The following INSM1 variants were observed in gnomAD, a reference collection of about 807,000 sequenced individuals.
The protein encoded by INSM1 is insulinoma-associated protein 1.
INSM1 carries 11 observed loss-of-function variants against 21.1 expected under a neutral mutation model. That is an observed-to-expected ratio of 0.52 (90% confidence interval 0.33 to 0.86). INSM1 has a LOEUF of 0.86. INSM1 is among the 40% of genes least tolerant of loss of function. The pLI is 0.03. For synonymous variants in INSM1, 473 were observed against 386.1 expected (o/e 1.23, Z -2.64); for missense variants, 843 against 760.1 (o/e 1.11, Z -1.28).
Position 20,368,279 on chromosome 20 carries a change from C to T in INSM1, c.12C>T (p.Gly4=). 1 of 1,287,516 alleles carries T rather than the reference C, an allele frequency of 7.8e-7. No individual in the cohort carries two copies. Among genetic ancestry groups the T allele is most frequent in the Non-Finnish European group, 1.0e-6 (1 of 1,003,348 alleles). 79.8% of individuals were successfully genotyped at this position (1,287,516 alleles called of 1,614,324 possible). A position where few individuals can be genotyped will look rare whatever the true frequency, so the allele number is the denominator to read the frequency against. ...CGGGCCGCGCCAACATGCCCCGCGG[C>T]TTCCTGGTGAAGCGCAGCAAGAAGT... MPR[G]FLVKRSKKST... is the part of the protein sequence containing the mutation. The change falls in exon 1 of 1, where the codon GGC becomes GGT. Residue 4 remains glycine (G), a synonymous_variant. Transcript: ENST00000310227. This position sits in a 1 kb window ranked among gnomAD's most constrained non-coding sequence, Gnocchi z 4.3.
rs1471470977 is a variant in INSM1, at chr20:20,368,756, G to T, written c.489G>T (p.Ala163=). The part of the protein sequence containing the change: ...GTCGGDPLLF[A]PAELKMGTAF... ...GCGGCGGCGACCCGCTGCTCTTCGCGCCCGCCGAGCTCAAGATGGGCACGG... is the reference window on the plus strand; with the variant it reads ...GCGGCGGCGACCCGCTGCTCTTCGCTCCCGCCGAGCTCAAGATGGGCACGG... The change falls in exon 1 of 1, where the codon GCG becomes GCT. Residue 163 remains alanine (A), a synonymous_variant. Coordinates refer to ENST00000310227, the MANE Select transcript of INSM1 (RefSeq NM_002196.3). The surrounding 1 kb of genome is among the most constrained non-coding windows in gnomAD (Gnocchi z 4.3). The T allele has an allele frequency of 2.6e-6, 3 of 1,154,354 alleles. No homozygotes were observed. The highest frequency in any genetic ancestry group is 3.2e-6 in the Non-Finnish European group (3 of 923,122). 71.5% of individuals were successfully genotyped at this position (1,154,354 alleles called of 1,614,324 possible).
chr20:20,368,658 T>G lies in INSM1; in HGVS notation c.391T>G (p.Phe131Val). The change falls in exon 1 of 1, where the codon TTC (phenylalanine) becomes GTC (valine). Residue 131 changes from phenylalanine to valine, a missense_variant. By Grantham distance (50) the Phe-to-Val change is conservative. Transcript: ENST00000310227. The surrounding 1 kb of genome is among the most constrained non-coding windows in gnomAD (Gnocchi z 4.3). ...GGGCTCGCCGGTCTCGGCCGAGTCC[T>G]TCCCCACGCCCGCCGCGCTGCTCGG... Reference protein sequence around the residue: ...NLGSPVSAESFPTPAALLGGG... With the variant: ...NLGSPVSAESVPTPAALLGGG... The G allele has an allele frequency of 5.6e-6, 8 of 1,416,494 alleles. No individual in the cohort carries two copies. Among genetic ancestry groups the G allele is most frequent in the Non-Finnish European group, 6.6e-6 (7 of 1,068,166 alleles). 87.7% of individuals were successfully genotyped at this position (1,416,494 alleles called of 1,614,324 possible). A position where few individuals can be genotyped will look rare whatever the true frequency, so the allele number is the denominator to read the frequency against.
At position 20,369,871 on chromosome 20, in the gene INSM1, C is replaced by A. The variant is rs1202627032; in HGVS notation, c.*71C>A. Reference sequence around the variant, plus strand: ...ACCCACAAAGAGAGTGCGCCCTGCACTCCCCGAACCCGAGTCCGCGCTGGG... The same window carrying A: ...ACCCACAAAGAGAGTGCGCCCTGCAATCCCCGAACCCGAGTCCGCGCTGGG... On this transcript the variant is annotated 3_prime_UTR_variant, in exon 1 of 1. Coordinates refer to ENST00000310227, the MANE Select transcript of INSM1 (RefSeq NM_002196.3). This position sits in a 1 kb window ranked among gnomAD's most constrained non-coding sequence, Gnocchi z 5.6. 4.3e-6 allele frequency: 6 copies of A among 1,391,988 alleles called. No homozygotes were observed. The Admixed American group carries it at 1.5e-4, about 34-fold the overall frequency. 86.2% of individuals were successfully genotyped at this position (1,391,988 alleles called of 1,614,324 possible). A position where few individuals can be genotyped will look rare whatever the true frequency, so the allele number is the denominator to read the frequency against.
At position 20,369,908 on chromosome 20, in the gene INSM1, C is replaced by G; in HGVS notation, c.*108C>G. The G allele has an allele frequency of 1.1e-6, 1 of 908,944 alleles. No homozygotes were observed. Among genetic ancestry groups the G allele is most frequent in the Non-Finnish European group, 1.6e-6 (1 of 613,448 alleles). 56.3% of individuals were successfully genotyped at this position (908,944 alleles called of 1,614,324 possible). On this transcript the variant is annotated 3_prime_UTR_variant, in exon 1 of 1. Transcript: ENST00000310227. This position sits in a 1 kb window ranked among gnomAD's most constrained non-coding sequence, Gnocchi z 5.6. ...GAGTCCGCGCTGGGGGAGCCTCGCC[C>G]CCGCCCCCACCGGGTGAAAGTGTCG...
At position 20,369,807 on chromosome 20, in the gene INSM1, C is replaced by T. The variant is rs1602218132; in HGVS notation, c.*7C>T. The T allele has an allele frequency of 6.3e-7, 1 of 1,580,556 alleles. No individual in the cohort carries two copies. Among genetic ancestry groups the T allele is most frequent in the Non-Finnish European group, 8.6e-7 (1 of 1,162,532 alleles). ...CGTGCGCCCGGCCTGCTAGAGCGCGCCCTCCACCCCGGCCCCCGAACTGTG... is the reference window on the plus strand; with the variant it reads ...CGTGCGCCCGGCCTGCTAGAGCGCGTCCTCCACCCCGGCCCCCGAACTGTG... On this transcript the variant is annotated 3_prime_UTR_variant, in exon 1 of 1. Coordinates refer to ENST00000310227, the MANE Select transcript of INSM1 (RefSeq NM_002196.3). This position sits in a 1 kb window ranked among gnomAD's most constrained non-coding sequence, Gnocchi z 5.6.
chr20:20,368,832 C>T lies in INSM1; in HGVS notation c.565C>T (p.Leu189=), dbSNP rs2059486725. The change falls in exon 1 of 1, where the codon CTG becomes TTG. Residue 189 remains leucine (L), a synonymous_variant. Coordinates refer to ENST00000310227, the MANE Select transcript of INSM1 (RefSeq NM_002196.3). The surrounding 1 kb of genome is among the most constrained non-coding windows in gnomAD (Gnocchi z 4.3). ...CCGCGGCCCGGGCCCCGGCCCCCCA[C>T]TGCCCCCTGCCGCCGCCCTGCGGCC... ...AARGPGPGPP[L]PPAAALRPPG... 1 of 1,229,542 alleles carries T rather than the reference C, an allele frequency of 8.1e-7. No individual in the cohort carries two copies. Among genetic ancestry groups the T allele is most frequent in the Non-Finnish European group, 1.0e-6 (1 of 971,256 alleles). The allele number at this position is 1,229,542 out of a possible 1,614,324, so 76.2% of individuals were successfully genotyped here.
chr20:20,369,815 C>T lies in INSM1; in HGVS notation c.*15C>T. On this transcript the variant is annotated 3_prime_UTR_variant, in exon 1 of 1. Transcript: ENST00000310227. This position sits in a 1 kb window ranked among gnomAD's most constrained non-coding sequence, Gnocchi z 5.6. ...CGGCCTGCTAGAGCGCGCCCTCCAC[C>T]CCGGCCCCCGAACTGTGCCTTCGCT... 6.4e-7 allele frequency: 1 copy of T among 1,572,748 alleles called. No individual in the cohort carries two copies. The highest frequency in any genetic ancestry group is 8.6e-7 in the Non-Finnish European group (1 of 1,158,568).
chr20:20,368,459 AGCGCTCGCCGCC>A lies in INSM1; in HGVS notation c.198_209del (p.Ala68_Ala71del). 1 of 1,029,040 alleles carries A rather than the reference AGCGCTCGCCGCC, an allele frequency of 9.7e-7. No individual in the cohort carries two copies. Among genetic ancestry groups the A allele is most frequent in the Non-Finnish European group, 1.2e-6 (1 of 857,588 alleles). 63.7% of individuals were successfully genotyped at this position (1,029,040 alleles called of 1,614,324 possible). A position where few individuals can be genotyped will look rare whatever the true frequency, so the allele number is the denominator to read the frequency against. On this transcript the variant is annotated inframe_deletion, in exon 1 of 1. Coordinates refer to ENST00000310227, the MANE Select transcript of INSM1 (RefSeq NM_002196.3). The surrounding 1 kb of genome is among the most constrained non-coding windows in gnomAD (Gnocchi z 4.3). ...CGCCGCCCGCGGAGCGCGCCCATGC[AGCGCTCGCCGCC>A]GCGCTTGCCTGCGCGCCTGGGCCGC...
Position 20,368,794 on chromosome 20 carries a change from G to A in INSM1, c.527G>A (p.Gly176Asp). 1 of 1,095,994 alleles carries A rather than the reference G, an allele frequency of 9.1e-7. No individual in the cohort carries two copies. The highest frequency in any genetic ancestry group is 1.1e-6 in the Non-Finnish European group (1 of 879,370). The allele number at this position is 1,095,994 out of a possible 1,614,324, so 67.9% of individuals were successfully genotyped here. Residue 176 changes from glycine (G) to aspartate (D), a missense_variant, in exon 1 of 1, where the codon GGC (glycine) becomes GAC (aspartate). Coordinates refer to ENST00000310227, the MANE Select transcript of INSM1 (RefSeq NM_002196.3). The surrounding 1 kb of genome is among the most constrained non-coding windows in gnomAD (Gnocchi z 4.3). ...AAGATGGGCACGGCGTTCTCGGCTG[G>A]CGCCGAGGCGGCCCGCGGCCCGGGC... Reference protein sequence around the residue: ...ELKMGTAFSAGAEAARGPGPG... With the variant: ...ELKMGTAFSADAEAARGPGPG...
rs752844856 is a variant in INSM1 at position 20,368,566 on chromosome 20, A to G, written c.299A>G (p.Tyr100Cys). The change falls in exon 1 of 1, where the codon TAC becomes TGC. Residue 100 changes from tyrosine (Y) to cysteine (C), a missense_variant. By Grantham distance (194) the Tyr-to-Cys change is radical (BLOSUM62 -2). Coordinates refer to ENST00000310227, the MANE Select transcript of INSM1 (RefSeq NM_002196.3). The surrounding 1 kb of genome is among the most constrained non-coding windows in gnomAD (Gnocchi z 4.3). Reference sequence around the variant, plus strand: ...GAGGCTGCGCACCCCGCGCCGCTCTACAGTCCCACGCGGCCCGTGAGCCGC... The same window carrying G: ...GAGGCTGCGCACCCCGCGCCGCTCTGCAGTCCCACGCGGCCCGTGAGCCGC... ...NPEAAHPAPL[Y>C]SPTRPVSREH... 1.0e-5 allele frequency: 15 copies of G among 1,434,922 alleles called. No individual in the cohort carries two copies. In the African/African-American group the frequency reaches 1.6e-4, roughly 16 times the overall value. 88.9% of individuals were successfully genotyped at this position (1,434,922 alleles called of 1,614,324 possible).
Position 20,369,013 on chromosome 20 carries a change from C to T in INSM1, c.746C>T (p.Pro249Leu), listed in dbSNP as rs1305001995. ...PVLGLKIKEGPVEAPRGRAGG... is the reference protein window; with the variant it reads ...PVLGLKIKEGLVEAPRGRAGG... ...CTGGGGCTCAAGATCAAGGAGGGCCCGGTGGAGGCGCCGCGGGGCCGCGCG... is the reference window on the plus strand; with the variant it reads ...CTGGGGCTCAAGATCAAGGAGGGCCTGGTGGAGGCGCCGCGGGGCCGCGCG... The change falls in exon 1 of 1, where the codon CCG becomes CTG. Residue 249 changes from proline to leucine, a missense_variant. Coordinates refer to ENST00000310227, the MANE Select transcript of INSM1 (RefSeq NM_002196.3). The surrounding 1 kb of genome is among the most constrained non-coding windows in gnomAD (Gnocchi z 5.6). The T allele has an allele frequency of 5.2e-6, 8 of 1,527,500 alleles. No individual in the cohort carries two copies. In the Admixed American group the frequency reaches 1.3e-4, roughly 25 times the overall value. The allele number at this position is 1,527,500 out of a possible 1,614,324, so 94.6% of individuals were successfully genotyped here.
At position 20,368,684 on chromosome 20, in the gene INSM1, AG is replaced by A. The variant is rs1386949548; in HGVS notation, c.422del (p.Gly141AlafsTer95). ...SFPTPAALLG[G>X]GGGGGASGAG... ...TCCCCACGCCCGCCGCGCTGCTCGGAGGGGGCGGCGGCGGCGGCGCGAGCGG... is the reference window on the plus strand; with the variant it reads ...TCCCCACGCCCGCCGCGCTGCTCGGAGGGGCGGCGGCGGCGGCGCGAGCGG... On this transcript the variant is annotated frameshift_variant, in exon 1 of 1. Transcript: ENST00000310227. LOFTEE classifies it high-confidence loss of function. The surrounding 1 kb of genome is among the most constrained non-coding windows in gnomAD (Gnocchi z 4.3). 5 of 1,340,488 alleles carry A rather than the reference AG, an allele frequency of 3.7e-6. No homozygotes were observed. Among genetic ancestry groups the A allele is most frequent in the East Asian group, 3.4e-5 (1 of 29,022 alleles). 83.0% of individuals were successfully genotyped at this position (1,340,488 alleles called of 1,614,324 possible).
At position 20,368,212 on chromosome 20, in the gene INSM1, G is replaced by C; in HGVS notation, c.-56G>C. On this transcript the variant is annotated 5_prime_UTR_variant, in exon 1 of 1. Transcript: ENST00000310227. This position sits in a 1 kb window ranked among gnomAD's most constrained non-coding sequence, Gnocchi z 4.3. ...TGGGCCGGGGGCACTGAGGGCCGCC[G>C]GGGCCGAGCGCGGAGGGGGGACCGA... is the stretch of plus-strand genomic sequence containing the variant. 9.4e-7 allele frequency: 1 copy of C among 1,062,072 alleles called. No homozygotes were observed. Among genetic ancestry groups the C allele is most frequent in the Non-Finnish European group, 1.1e-6 (1 of 879,382 alleles). The allele number at this position is 1,062,072 out of a possible 1,614,324, so 65.8% of individuals were successfully genotyped here.
chr20:20,369,730 TCAA>T lies in INSM1; in HGVS notation c.1467_1469del (p.Asn489del). 7 of 1,602,232 alleles carry T rather than the reference TCAA, an allele frequency of 4.4e-6. No homozygotes were observed. The highest frequency in any genetic ancestry group is 5.9e-6 in the Non-Finnish European group (7 of 1,179,696). ...AGCTCGCCCGGCCTTACGCGGCACA[TCAA>T]CAAGTGCCACCCATCCGAAAACAGA... On this transcript the variant is annotated inframe_deletion, in exon 1 of 1. Transcript: ENST00000310227. The surrounding 1 kb of genome is among the most constrained non-coding windows in gnomAD (Gnocchi z 5.6).
Position 20,369,822 on chromosome 20 carries a change from C to A in INSM1, c.*22C>A. ...CTAGAGCGCGCCCTCCACCCCGGCCCCCGAACTGTGCCTTCGCTTGGAGAC... is the reference window on the plus strand; with the variant it reads ...CTAGAGCGCGCCCTCCACCCCGGCCACCGAACTGTGCCTTCGCTTGGAGAC... On this transcript the variant is annotated 3_prime_UTR_variant, in exon 1 of 1. Transcript: ENST00000310227. This position sits in a 1 kb window ranked among gnomAD's most constrained non-coding sequence, Gnocchi z 5.6. The A allele has an allele frequency of 1.3e-6, 2 of 1,565,736 alleles. No homozygotes were observed. Among genetic ancestry groups the A allele is most frequent in the Non-Finnish European group, 1.7e-6 (2 of 1,154,844 alleles).
rs745868622 is a variant in INSM1 at position 20,369,508 on chromosome 20, C to T, written c.1241C>T (p.Pro414Leu). The T allele has an allele frequency of 7.2e-4, 1,117 of 1,546,580 alleles. 1 individual carries two copies. The highest frequency in any genetic ancestry group is 9.0e-4 in the Non-Finnish European group (1,034 of 1,154,964). Residue 414 changes from proline (P) to leucine (L), a missense_variant, in exon 1 of 1, where the codon CCC becomes CTC. Coordinates refer to ENST00000310227, the MANE Select transcript of INSM1 (RefSeq NM_002196.3). The surrounding 1 kb of genome is among the most constrained non-coding windows in gnomAD (Gnocchi z 5.6). The part of the protein sequence containing the change: ...AEDLLALYPG[P>L]DEKAPQEAAG... ...GACCTACTGGCCTTGTACCCCGGGC[C>T]CGACGAGAAGGCGCCCCAGGAGGCG...
rs1457418422 is a variant in INSM1, at chr20:20,368,972, G to T, written c.705G>T (p.Val235=). 1 of 1,553,880 alleles carries T rather than the reference G, an allele frequency of 6.4e-7. No individual in the cohort carries two copies. Among genetic ancestry groups the T allele is most frequent in the African/African-American group, 1.4e-5 (1 of 70,646 alleles). Residue 235 remains valine (V), a synonymous_variant, in exon 1 of 1, where the codon GTG becomes GTT. Coordinates refer to ENST00000310227, the MANE Select transcript of INSM1 (RefSeq NM_002196.3). This position sits in a 1 kb window ranked among gnomAD's most constrained non-coding sequence, Gnocchi z 4.3. ...GCAAGCTGCACTTCGAGGACGAGGTGACCACGTCGCCCGTGCTGGGGCTCA... is the reference window on the plus strand; with the variant it reads ...GCAAGCTGCACTTCGAGGACGAGGTTACCACGTCGCCCGTGCTGGGGCTCA... ...AIRKLHFEDE[V]TTSPVLGLKI... is the part of the protein sequence containing the mutation.
chr20:20,369,982 T>C lies in INSM1; in HGVS notation c.*182T>C, dbSNP rs375842122. ...TGACGGTAACCCCATACTCTCCTTT[T>C]GACTCCTTTTGGAACCCCCACTTTT... On this transcript the variant is annotated 3_prime_UTR_variant, in exon 1 of 1. Transcript: ENST00000310227. The surrounding 1 kb of genome is among the most constrained non-coding windows in gnomAD (Gnocchi z 5.6). 6.9e-6 allele frequency: 4 copies of C among 582,752 alleles called. No individual in the cohort carries two copies. In the East Asian group the frequency reaches 9.4e-5, roughly 14 times the overall value. The allele number at this position is 582,752 out of a possible 1,614,324, so 36.1% of individuals were successfully genotyped here. A position where few individuals can be genotyped will look rare whatever the true frequency, so the allele number is the denominator to read the frequency against.
At position 20,369,786 on chromosome 20, in the gene INSM1, C is replaced by T. The variant is rs1162821692; in HGVS notation, c.1519C>T (p.Arg507Cys). ...GGTGATCCTCCTGCAGGTGCCCGTG[C>T]GCCCGGCCTGCTAGAGCGCGCCCTC... ...RQVILLQVPV[R>C]PAC Residue 507 changes from arginine (R) to cysteine (C), a missense_variant, in exon 1 of 1, where the codon CGC (arginine) becomes TGC (cysteine). Coordinates refer to ENST00000310227, the MANE Select transcript of INSM1 (RefSeq NM_002196.3). The surrounding 1 kb of genome is among the most constrained non-coding windows in gnomAD (Gnocchi z 5.6). The T allele has an allele frequency of 6.3e-7, 1 of 1,596,646 alleles. No individual in the cohort carries two copies.
Sources: allele counts gnomAD v4.1 joint callset, GRCh38; gene constraint gnomAD v4.1.1; non-coding constraint Gnocchi (gnomAD v3.1); transcripts MANE v1.5; gene names NCBI Gene and HGNC (gene_info 2026-07-23, HGNC 2026-07-21).